The following SH3GL3 variants were observed in gnomAD, a reference collection of about 807,000 sequenced individuals.
SH3GL3 encodes the protein endophilin-A3.
A neutral mutation model predicts 47.7 loss-of-function variants in SH3GL3; 33 were observed. The observed-to-expected ratio is 0.69, with a 90% CI of 0.52 to 0.92. The LOEUF (loss-of-function observed/expected upper bound fraction) is 0.92. SH3GL3 is among the 40% of genes least tolerant of loss of function. SH3GL3 has a pLI of 0.00. For synonymous variants in SH3GL3, 155 were observed against 148.8 expected (o/e 1.04, Z -0.30); for missense variants, 363 against 417.8 (o/e 0.87, Z 1.14).
intron 1 of SH3GL3, among the ~76,000 whole-genome samples, chr15:83,484,072 C>T (rs768262648): frequency 2.0e-5 from 3 of 152,188 alleles, no homozygotes; most frequent in Admixed American, 1.3e-4. Context: ...TCAGTGTTTA[C>T]GAGGCTCCAC....
chr15:83,485,823 T>G (rs933222858), intron 1 of SH3GL3, among the ~76,000 whole-genome samples: 2 of 152,186 alleles, frequency 1.3e-5, no homozygotes, highest in Non-Finnish European at 2.9e-5. Context: ...CTGCCTACCA[T>G]GTGGATTTGT....
In SH3GL3 at chr15:83,447,363, C is replaced by CGT; in HGVS notation, c.-165_-164dup. Reference sequence around the variant, plus strand: ...CGCAGTGTTGCCATCGGCGTGCGCGCGTGTGTGCGAGTGTGACAGCGGCTG... The same window carrying CGT: ...CGCAGTGTTGCCATCGGCGTGCGCGCGTGTGTGTGCGAGTGTGACAGCGGCTG... On this transcript the variant is annotated 5_prime_UTR_variant, in exon 1 of 9. Transcript: ENST00000427482. This position sits in a 1 kb window ranked among gnomAD's most constrained non-coding sequence, Gnocchi z 5.1. The CGT allele has an allele frequency of 2.6e-6, 1 of 381,328 alleles. No individual in the cohort carries two copies. The highest frequency in any genetic ancestry group is 4.7e-6 in the Non-Finnish European group (1 of 213,146). The allele number at this position is 381,328 out of a possible 1,614,324, so 23.6% of individuals were successfully genotyped here.
At chr15:83,588,588 C>T (rs115657384) in intron 7 of SH3GL3, 74 bp from the exon 8 acceptor site, 4 of 934,000 alleles carry the variant, frequency 4.3e-6, no homozygotes, top group Admixed American at 1.8e-5. Flanking sequence ...CTGTGCTCAA[C>T]AAGGCAGAGA....
rs150348469 is a variant in SH3GL3 at position 83,481,928 on chromosome 15, T to G, written c.45+34350T>G. 5.9e-5 allele frequency among the ~76,000 whole-genome samples: 9 copies of G among 152,312 alleles called. No homozygotes were observed. The East Asian group carries it at 1.5e-3, about 26-fold the overall frequency. The stretch of plus-strand genomic sequence containing the variant: ...TGTGGGAAGGAGTCATTTTAAATTT[T>G]CTTATTAAAAGAAGATGGCACTAAA... On this transcript the variant is annotated intron_variant, in intron 1 of 8. Coordinates refer to ENST00000427482, the MANE Select transcript of SH3GL3 (RefSeq NM_003027.5).
At chr15:83,532,500 G>A (rs2043724544) in intron 1 of SH3GL3, among the ~76,000 whole-genome samples, 2 of 152,208 alleles carry the variant, frequency 1.3e-5, no homozygotes, top group South Asian at 4.1e-4. Flanking sequence ...GGAGTGGACA[G>A]TAGATTTAGA....
At chr15:83,612,851 TTC>T (rs1555423613) in intron 8 of SH3GL3, among the ~76,000 whole-genome samples, 1 of 151,744 alleles carries the variant, frequency 6.6e-6, no homozygotes, top group Non-Finnish European at 1.5e-5. Context: ...ACCCAGAAGT[TTC>T]TCTCTCTCTC....
At chr15:83,536,934 C>G (rs2151690960) in intron 1 of SH3GL3, among the ~76,000 whole-genome samples, 1 of 152,244 alleles carries the variant, frequency 6.6e-6, no homozygotes, top group Non-Finnish European at 1.5e-5. Context: ...TGTCGCACTC[C>G]TGGTTTTCCT....
intron 1 of SH3GL3, among the ~76,000 whole-genome samples, chr15:83,512,985 T>A (rs1362446802): frequency 6.6e-6 from 1 of 152,232 alleles, no homozygotes; most frequent in East Asian, 1.9e-4. Context: ...TTTACATAGG[T>A]CTCATGACAA....
chr15:83,522,644 A>G (rs531004605), intron 1 of SH3GL3, among the ~76,000 whole-genome samples: 3 of 152,344 alleles, frequency 2.0e-5, no homozygotes, highest in Non-Finnish European at 4.4e-5. Flanking sequence ...TTGCTTTGTC[A>G]TTATAGCTGC....
At chr15:83,459,210 C>T (rs1048282264) in intron 1 of SH3GL3, among the ~76,000 whole-genome samples, 8 of 152,214 alleles carry the variant, frequency 5.3e-5, no homozygotes, top group South Asian at 2.1e-4. Context: ...ATTCTAGCTG[C>T]GCTGTCGGCT....
At chr15:83,567,787 T>A (rs1282397333) in intron 3 of SH3GL3, among the ~76,000 whole-genome samples, 1 of 152,146 alleles carries the variant, frequency 6.6e-6, no homozygotes, top group Non-Finnish European at 1.5e-5. Flanking sequence ...CAATTCTATT[T>A]TTGTTTACAT....
the SH3GL3 span, among the ~76,000 whole-genome samples, chr15:83,625,530 G>A: frequency 6.6e-6 from 1 of 152,000 alleles, no homozygotes; most frequent in South Asian, 2.1e-4. Flanking sequence ...TTCTTCCCCA[G>A]GAATTTAGAA....
intron 8 of SH3GL3, among the ~76,000 whole-genome samples, chr15:83,592,999 T>C (rs2060147743): frequency 6.6e-6 from 1 of 152,230 alleles, no homozygotes; most frequent in African/African-American, 2.4e-5. Flanking sequence ...CTAACACTTA[T>C]TTACAATGTC....
rs1431634916 is a variant in SH3GL3, at chr15:83,456,410, C to T, written c.45+8832C>T. Reference sequence around the variant, plus strand: ...ATGGCGGGCCCCCCTCCCCCAGCCTCGTTGCCACCTTGCAGTTTGATCTCA... The same window carrying T: ...ATGGCGGGCCCCCCTCCCCCAGCCTTGTTGCCACCTTGCAGTTTGATCTCA... On this transcript the variant is annotated intron_variant, in intron 1 of 8. Coordinates refer to ENST00000427482, the MANE Select transcript of SH3GL3 (RefSeq NM_003027.5). Among the ~76,000 whole-genome samples the T allele has an allele frequency of 2.3e-4, 13 of 56,286 alleles. 1 individual carries two copies. The highest frequency in any genetic ancestry group is 1.2e-3 in the East Asian group (2 of 1,614). The allele number at this position is 56,286 out of a possible 152,430, so 36.9% of individuals were successfully genotyped here. A position where few individuals can be genotyped will look rare whatever the true frequency, so the allele number is the denominator to read the frequency against.
chr15:83,465,638 T>G (rs2040537078), intron 1 of SH3GL3, among the ~76,000 whole-genome samples: 1 of 152,014 alleles, frequency 6.6e-6, no homozygotes, highest in African/African-American at 2.4e-5. Flanking sequence ...CAGATTAAGG[T>G]CTCCTTTTAA....
chr15:83,536,614 G>A (rs2043924033), intron 1 of SH3GL3, among the ~76,000 whole-genome samples: 1 of 151,776 alleles, frequency 6.6e-6, no homozygotes, highest in African/African-American at 2.4e-5. Flanking sequence ...TGTTGGTCAG[G>A]CTGGTCTTGA....
chr15:83,563,649 C>CT (rs773573328), intron 2 of SH3GL3, among the ~76,000 whole-genome samples: 19 of 151,860 alleles, frequency 1.3e-4, no homozygotes, highest in Non-Finnish European at 2.1e-4. Flanking sequence ...TTCCTTCTTT[C>CT]TTTTTAAGAC....
chr15:83,537,592 C>T (rs1381354173), intron 1 of SH3GL3, among the ~76,000 whole-genome samples: 2 of 151,422 alleles, frequency 1.3e-5, no homozygotes, highest in Non-Finnish European at 3.0e-5. Flanking sequence ...GGTGGAGGGG[C>T]TCTGTTGATC....
chr15:83,603,669 C>G (rs751293266), intron 8 of SH3GL3, among the ~76,000 whole-genome samples: 18 of 152,280 alleles, frequency 1.2e-4, no homozygotes, highest in Non-Finnish European at 2.6e-4. Context: ...TGCTTGTAGA[C>G]TGGGCAACTT....
Sources: allele counts gnomAD v4.1 joint callset (sites outside exome capture counted in the v4.1 genomes callset), GRCh38; gene constraint gnomAD v4.1.1; non-coding constraint Gnocchi (gnomAD v3.1); transcripts MANE v1.5; gene names NCBI Gene and HGNC (gene_info 2026-07-23, HGNC 2026-07-21).